Variants in RANBP3L observed in about 807,000 individuals in gnomAD.
RANBP3L encodes ran-binding protein 3-like.
RANBP3L carries 56 observed loss-of-function variants against 67.2 expected under a neutral mutation model. That is an observed-to-expected ratio of 0.83 (90% CI 0.67 to 1.04). The LOEUF is 1.04. Ranked by LOEUF, RANBP3L falls within the 50% of genes least tolerant of loss-of-function variation. RANBP3L has a pLI of 0.00. For missense variants in RANBP3L, 496 were observed against 535.5 expected (o/e 0.93, Z 0.73); for synonymous variants, 164 against 181.4 (o/e 0.90, Z 0.77).
In RANBP3L at chr5:36,248,338, TA is replaced by T. The variant is rs1748395804; in HGVS notation, c.*1315del. The T allele has an allele frequency of 6.6e-6, 1 of 152,194 alleles. No homozygotes were observed. Among genetic ancestry groups the T allele is most frequent in the South Asian group, 2.1e-4 (1 of 4,822 alleles). The allele number at this position is 152,194 out of a possible 1,614,324, so 9.4% of individuals were successfully genotyped here. A position where few individuals can be genotyped will look rare whatever the true frequency, so the allele number is the denominator to read the frequency against. ...TTATATTAAGTTATGCTTTCTCAGTTATAAGGAAGGACAAAATGTTGAACAA... is the reference window on the plus strand; with the variant it reads ...TTATATTAAGTTATGCTTTCTCAGTTTAAGGAAGGACAAAATGTTGAACAA... On this transcript the variant is annotated 3_prime_UTR_variant, in exon 14 of 14. Transcript: ENST00000296604.
In RANBP3L at chr5:36,275,746, T is replaced by C. The variant is rs543231693; in HGVS notation, c.92-4435A>G. 8.0e-4 allele frequency among the ~76,000 whole-genome samples: 121 copies of C among 151,934 alleles called. 2 individuals carry two copies. In the South Asian group the frequency reaches 0.024, roughly 30 times the overall value. ...TTTGCAGCCTAATAGAGCTTAAACA[T>C]AAAAATAAAGAAATACCGTGGTGTG... On this transcript the variant is annotated intron_variant, in intron 1 of 13. Transcript: ENST00000296604.
In RANBP3L at chr5:36,250,422, T is replaced by C. The variant is rs1748513236; in HGVS notation, c.1355-725A>G. On this transcript the variant is annotated intron_variant, in intron 13 of 13. Coordinates refer to ENST00000296604, the MANE Select transcript of RANBP3L (RefSeq NM_145000.5). Reference sequence around the variant, plus strand: ...GTATTTTTCCTTTTGATTATAGCTTTAATATTAAGCAAAGGAAGATATTTC... The same window carrying C: ...GTATTTTTCCTTTTGATTATAGCTTCAATATTAAGCAAAGGAAGATATTTC... 2.0e-5 allele frequency among the ~76,000 whole-genome samples: 3 copies of C among 152,076 alleles called. 1 individual carries two copies. In the South Asian group the frequency reaches 6.2e-4, roughly 31 times the overall value.
intron 2 of RANBP3L, 48 bp from the exon 3 acceptor site, chr5:36,270,038 AT>A: frequency 6.5e-7 from 1 of 1,546,384 alleles, no homozygotes. Flanking sequence ...TTGCCTTTGT[AT>A]TATGTTGGTG....
chr5:36,263,672 A>G (rs1164483057), intron 6 of RANBP3L, among the ~76,000 whole-genome samples: 1 of 152,138 alleles, frequency 6.6e-6, no homozygotes, highest in East Asian at 1.9e-4. Flanking sequence ...GACTACAGGC[A>G]CATGCCACCA....
Position 36,262,011 on chromosome 5 carries a change from T to A in RANBP3L, c.512A>T (p.Glu171Val), listed in dbSNP as rs759951786. Residue 171 changes from glutamate (E) to valine (V), a missense_variant, in exon 7 of 14, where the codon GAA (glutamate) becomes GTA (valine). Transcript: ENST00000296604. ...ISEGNSYLLS[E>V]NLSRARISVQ... Reference sequence around the variant, plus strand: ...TGAAATTCTAGCCCTTGATAAATTTTCACTTAACAAATAGGAATTTCCCTC... The same window carrying A: ...TGAAATTCTAGCCCTTGATAAATTTACACTTAACAAATAGGAATTTCCCTC... 1 of 1,604,038 alleles carries A rather than the reference T, an allele frequency of 6.2e-7. No individual in the cohort carries two copies. The highest frequency in any genetic ancestry group is 1.3e-5 in the African/African-American group (1 of 74,670).
At chr5:36,252,583 T>C (rs1748671567) in intron 12 of RANBP3L, among the ~76,000 whole-genome samples, 1 of 152,118 alleles carries the variant, frequency 6.6e-6, no homozygotes. Context: ...TACATATATG[T>C]ATGTATGTAT....
At chr5:36,291,242 C>T (rs1034395751) in intron 1 of RANBP3L, among the ~76,000 whole-genome samples, 6 of 152,108 alleles carry the variant, frequency 3.9e-5, no homozygotes, top group South Asian at 2.1e-4. Context: ...ACCCTAGAAG[C>T]GCCATTCTAC....
chr5:36,260,348 G>C (rs1232043723), intron 8 of RANBP3L, among the ~76,000 whole-genome samples: 1 of 128,780 alleles, frequency 7.8e-6, no homozygotes, highest in African/African-American at 2.9e-5. Context: ...GTGACAGAGC[G>C]AGACTCTGTC....
At chr5:36,294,995 T>C (rs1414307735) in intron 1 of RANBP3L, among the ~76,000 whole-genome samples, 1 of 150,736 alleles carries the variant, frequency 6.6e-6, no homozygotes, top group Non-Finnish European at 1.5e-5. Context: ...CACATATATA[T>C]ACACACCATA....
chr5:36,248,656 C>G lies in RANBP3L; in HGVS notation c.*998G>C, dbSNP rs1004734520. 1 of 152,078 alleles carries G rather than the reference C, an allele frequency of 6.6e-6. No individual in the cohort carries two copies. The allele number at this position is 152,078 out of a possible 1,614,324, so 9.4% of individuals were successfully genotyped here. A position where few individuals can be genotyped will look rare whatever the true frequency, so the allele number is the denominator to read the frequency against. On this transcript the variant is annotated 3_prime_UTR_variant, in exon 14 of 14. Transcript: ENST00000296604. ...TTTTTATCCCCTAATCAGATAATTG[C>G]TTAGGGGTCACAATCAAAGTCACTT... is the stretch of plus-strand genomic sequence containing the variant.
chr5:36,252,550 G>T (rs531305263), intron 12 of RANBP3L, among the ~76,000 whole-genome samples: 1 of 152,130 alleles, frequency 6.6e-6, no homozygotes, highest in East Asian at 1.9e-4. Context: ...TTTCCCGAAG[G>T]TTATACGGTA....
At chr5:36,281,741 A>G (rs1374701231) in intron 1 of RANBP3L, among the ~76,000 whole-genome samples, 2 of 152,176 alleles carry the variant, frequency 1.3e-5, no homozygotes, top group Non-Finnish European at 2.9e-5. Flanking sequence ...TTTGATCAAG[A>G]ATGTCTGCAG....
At chr5:36,299,305 G>T (rs1033048903) in intron 1 of RANBP3L, among the ~76,000 whole-genome samples, 1 of 149,632 alleles carries the variant, frequency 6.7e-6, no homozygotes, top group African/African-American at 2.5e-5. Flanking sequence ...ATACACATAC[G>T]TATATCTGTA....
chr5:36,287,998 T>G (rs1751446588), intron 1 of RANBP3L, among the ~76,000 whole-genome samples: 1 of 152,186 alleles, frequency 6.6e-6, no homozygotes, highest in South Asian at 2.1e-4. Context: ...AAATTTGGAG[T>G]CTGAGGCCTC....
chr5:36,267,078 G>T (rs1749850012), intron 4 of RANBP3L, among the ~76,000 whole-genome samples: 1 of 152,136 alleles, frequency 6.6e-6, no homozygotes, highest in African/African-American at 2.4e-5. Flanking sequence ...TTCTCTTAAT[G>T]TCTGAGCTTG....
At chr5:36,277,189 A>T (rs775588308) in intron 1 of RANBP3L, among the ~76,000 whole-genome samples, 24 of 151,870 alleles carry the variant, frequency 1.6e-4, no homozygotes, top group Non-Finnish European at 2.6e-4. Context: ...GGCCCTTTCC[A>T]CATGTCTCTT....
At chr5:36,269,205 T>C (rs1393607287) in intron 4 of RANBP3L, among the ~76,000 whole-genome samples, 185 bp downstream of exon 4, 1 of 152,248 alleles carries the variant, frequency 6.6e-6, no homozygotes, top group East Asian at 1.9e-4. Flanking sequence ...CCAATGCTGA[T>C]AAATGGAATG....
At chr5:36,287,938 A>G (rs1751442998) in intron 1 of RANBP3L, among the ~76,000 whole-genome samples, 1 of 152,178 alleles carries the variant, frequency 6.6e-6, no homozygotes, top group Admixed American at 6.5e-5. Context: ...TCATTGAGAT[A>G]TTTCAGTCTC....
At chr5:36,287,431 G>T (rs1314567313) in intron 1 of RANBP3L, among the ~76,000 whole-genome samples, 1 of 152,154 alleles carries the variant, frequency 6.6e-6, no homozygotes, top group Non-Finnish European at 1.5e-5. Context: ...CAGCCACTAA[G>T]TATGTGTTAA....
Sources: allele counts gnomAD v4.1 joint callset (sites outside exome capture counted in the v4.1 genomes callset), GRCh38; gene constraint gnomAD v4.1.1; transcripts MANE v1.5; gene names NCBI Gene and HGNC (gene_info 2026-07-23, HGNC 2026-07-21).